Variants in AGAP1 observed in about 807,000 individuals in gnomAD.
The protein encoded by AGAP1 is ArfGAP with GTPase domain, ankyrin repeat and PH domain 1.
AGAP1 carries 29 observed loss-of-function variants against 105.3 expected under a neutral mutation model. The ratio of observed to expected loss-of-function variants is 0.28; its 90% CI spans 0.21 to 0.38. The LOEUF (loss-of-function observed/expected upper bound fraction) is 0.38. Ranked by LOEUF, AGAP1 falls within the 10% of genes least tolerant of loss-of-function variation. The pLI is 1.00. For synonymous variants in AGAP1, 509 were observed against 485.9 expected (o/e 1.05, Z -0.63); for missense variants, 998 against 1,165.1 (o/e 0.86, Z 2.09).
At chr2:235,807,809 G>A (rs1192934979) in intron 9 of AGAP1, among the ~76,000 whole-genome samples, 2 of 152,160 alleles carry the variant, frequency 1.3e-5, no homozygotes, top group African/African-American at 4.8e-5. Context: ...TGTCAGCTGT[G>A]CGCTCTTGTT....
chr2:236,049,074 G>T lies in AGAP1; in HGVS notation c.1907G>T (p.Ser636Ile), dbSNP rs774417563. Reference protein sequence around the residue: ...DCETQNPNWASLNLGALMCIE... With the variant: ...DCETQNPNWAILNLGALMCIE... ...CTTCCCGTAGATCCCAACTGGGCCA[G>T]TTTGAACTTGGGAGCCCTCATGTGC... Residue 636 changes from serine (S) to isoleucine (I), a missense_variant, in exon 16 of 18, where the codon AGT becomes ATT. Ser to Ile is a moderately radical substitution (Grantham distance 142, BLOSUM62 -2). Transcript: ENST00000304032. 6.2e-7 allele frequency: 1 copy of T among 1,614,080 alleles called. No individual in the cohort carries two copies. The highest frequency in any genetic ancestry group is 1.1e-5 in the South Asian group (1 of 91,080).
At chr2:235,680,672 G>T (rs1949016747) in intron 1 of AGAP1, among the ~76,000 whole-genome samples, 1 of 152,060 alleles carries the variant, frequency 6.6e-6, no homozygotes, top group Admixed American at 6.5e-5. Flanking sequence ...GTGTGCAGCT[G>T]GGGCTGTACC....
In AGAP1 at chr2:236,001,438, G is replaced by C. The variant is rs2056116330; in HGVS notation, c.1645+32815G>C. ...GGTGTGTGGCTACTAACGTGAGCCT[G>C]TTAACGTTGAAAATTTCCCTCTGGC... On this transcript the variant is annotated intron_variant, in intron 13 of 17. Transcript: ENST00000304032. The surrounding 1 kb of genome is among the most constrained non-coding windows in gnomAD (Gnocchi z 4.7). 6.6e-6 allele frequency among the ~76,000 whole-genome samples: 1 copy of C among 152,216 alleles called. No individual in the cohort carries two copies. Among genetic ancestry groups the C allele is most frequent in the Admixed American group, 6.5e-5 (1 of 15,288 alleles).
intron 6 of AGAP1, among the ~76,000 whole-genome samples, chr2:235,758,443 AG>A (rs1483492626): frequency 2.0e-5 from 3 of 152,116 alleles, no homozygotes; most frequent in Admixed American, 6.6e-5. Flanking sequence ...GTGTCAGGCG[AG>A]GCCATCATTT....
chr2:236,049,279 A>G lies in AGAP1; in HGVS notation c.2112A>G (p.Thr704=). 6.2e-7 allele frequency: 1 copy of G among 1,612,510 alleles called. No homozygotes were observed. Among genetic ancestry groups the G allele is most frequent in the Non-Finnish European group, 8.5e-7 (1 of 1,178,668 alleles). Reference sequence around the variant, plus strand: ...GGACGAAACCATCGGTAGACTCCACAAGGTAGGAACTTTGGAAGATGCCTG... The same window carrying G: ...GGACGAAACCATCGGTAGACTCCACGAGGTAGGAACTTTGGAAGATGCCTG... The part of the protein sequence containing the change: ...QGRTKPSVDS[T]REEKERWIRA... Residue 704 remains threonine (T), a splice_region_variant and synonymous_variant, in exon 16 of 18, where the codon ACA becomes ACG. Coordinates refer to ENST00000304032, the MANE Select transcript of AGAP1 (RefSeq NM_001037131.3).
Position 236,092,461 on chromosome 2 carries a change from C to T in AGAP1, c.2115-27731C>T, listed in dbSNP as rs1249065068. Among the ~76,000 whole-genome samples, 5 of 152,126 alleles carry T rather than the reference C, an allele frequency of 3.3e-5. No homozygotes were observed. The highest frequency in any genetic ancestry group is 4.8e-5 in the African/African-American group (2 of 41,424). On this transcript the variant is annotated intron_variant, in intron 16 of 17. Transcript: ENST00000304032. This position sits in a 1 kb window ranked among gnomAD's most constrained non-coding sequence, Gnocchi z 4.7. ...AGGCTGGAGTGTAGTGGTGCAGTCTCGTCTCACTGCAACCTCCGCCTCCCG... is the reference window on the plus strand; with the variant it reads ...AGGCTGGAGTGTAGTGGTGCAGTCTTGTCTCACTGCAACCTCCGCCTCCCG...
intron 6 of AGAP1, among the ~76,000 whole-genome samples, chr2:235,759,196 T>A (rs1191767132): frequency 1.5e-5 from 2 of 132,640 alleles, no homozygotes; most frequent in African/African-American, 2.9e-5. Context: ...TGAGATGGAG[T>A]CTCGCTCTGT....
Position 236,120,664 on chromosome 2 carries a change from A to C in AGAP1, c.2370+217A>C, listed in dbSNP as rs943762864. Among the ~76,000 whole-genome samples the C allele has an allele frequency of 6.6e-6, 1 of 152,180 alleles. No individual in the cohort carries two copies. The highest frequency in any genetic ancestry group is 2.4e-5 in the African/African-American group (1 of 41,444). ...CTTGCTAGAGTTTCTGAAAATTGCA[A>C]CTTTGTGATTGCCCCTTATCAAGCA... On this transcript the variant is annotated intron_variant, in intron 17 of 17. Coordinates refer to ENST00000304032, the MANE Select transcript of AGAP1 (RefSeq NM_001037131.3). The surrounding 1 kb of genome is among the most constrained non-coding windows in gnomAD (Gnocchi z 6.0).
At chr2:235,940,297 A>T (rs896977471) in intron 12 of AGAP1, among the ~76,000 whole-genome samples, 17 of 151,988 alleles carry the variant, frequency 1.1e-4, no homozygotes, top group Admixed American at 9.2e-4. Context: ...CTTACTTCCC[A>T]AAAGTCCTCT....
chr2:235,602,031 C>T (rs761235725), intron 1 of AGAP1, among the ~76,000 whole-genome samples: 3 of 152,206 alleles, frequency 2.0e-5, no homozygotes, highest in Non-Finnish European at 2.9e-5. Flanking sequence ...CTCCAAAATT[C>T]TCAGGATAAA....
chr2:235,500,357 G>C (rs1332540387), intron 1 of AGAP1, among the ~76,000 whole-genome samples: 1 of 152,056 alleles, frequency 6.6e-6, no homozygotes, highest in Non-Finnish European at 1.5e-5. Flanking sequence ...CATACCTCCC[G>C]AGTTTCTAGT....
chr2:235,606,872 C>T (rs77597714), intron 1 of AGAP1, among the ~76,000 whole-genome samples: 1,496 of 134,136 alleles, frequency 0.011, 23 homozygotes, highest in African/African-American at 0.039. Context: ...TCGCTTGAGG[C>T]GGAGGCTGCA....
At chr2:235,974,303 G>C (rs2054771194) in intron 13 of AGAP1, among the ~76,000 whole-genome samples, 2 of 152,190 alleles carry the variant, frequency 1.3e-5, no homozygotes, top group Non-Finnish European at 2.9e-5. Context: ...GGGGCACACT[G>C]AATAGCTTCC....
At position 235,601,433 on chromosome 2, in the gene AGAP1, G is replaced by A. The variant is rs575010458; in HGVS notation, c.163+106584G>A. Among the ~76,000 whole-genome samples the A allele has an allele frequency of 2.0e-5, 3 of 152,298 alleles. No homozygotes were observed. The highest frequency in any genetic ancestry group is 6.5e-5 in the Admixed American group (1 of 15,302). ...AATTTATAAAGGAAAGAAGTTTAAC[G>A]GACTCACAGTTCTACATGGCTGGGG... is the stretch of plus-strand genomic sequence containing the variant. On this transcript the variant is annotated intron_variant, in intron 1 of 17. Coordinates refer to ENST00000304032, the MANE Select transcript of AGAP1 (RefSeq NM_001037131.3). This position sits in a 1 kb window ranked among gnomAD's most constrained non-coding sequence, Gnocchi z 4.4.
rs1406561168 is a variant in AGAP1 at position 235,494,133 on chromosome 2, G to C, written c.-554G>C. Reference sequence around the variant, plus strand: ...GCGGCTTGCAAGGCGCCTGCGACTCGGTCCCAGGTCGGCGGGCGGCGCACG... The same window carrying C: ...GCGGCTTGCAAGGCGCCTGCGACTCCGTCCCAGGTCGGCGGGCGGCGCACG... On this transcript the variant is annotated 5_prime_UTR_variant, in exon 1 of 18. Transcript: ENST00000304032. 6.9e-6 allele frequency: 1 copy of C among 145,358 alleles called. No individual in the cohort carries two copies. Among genetic ancestry groups the C allele is most frequent in the African/African-American group, 2.5e-5 (1 of 40,430 alleles). The allele number at this position is 145,358 out of a possible 1,614,324, so 9.0% of individuals were successfully genotyped here.
rs1376640053 is a variant in AGAP1 at position 236,080,223 on chromosome 2, A to G, written c.2114+30942A>G. 6.6e-6 allele frequency among the ~76,000 whole-genome samples: 1 copy of G among 152,192 alleles called. No homozygotes were observed. Among genetic ancestry groups the G allele is most frequent in the Non-Finnish European group, 1.5e-5 (1 of 68,026 alleles). ...GTTTCCTGTGCATGTTCTTGGAAAGATAGTTGGGAAAAAAGGCAGGCAGAG... is the reference window on the plus strand; with the variant it reads ...GTTTCCTGTGCATGTTCTTGGAAAGGTAGTTGGGAAAAAAGGCAGGCAGAG... On this transcript the variant is annotated intron_variant, in intron 16 of 17. Coordinates refer to ENST00000304032, the MANE Select transcript of AGAP1 (RefSeq NM_001037131.3). The surrounding 1 kb of genome is among the most constrained non-coding windows in gnomAD (Gnocchi z 4.2).
rs115859381 is a variant in AGAP1, at chr2:235,526,380, A to G, written c.163+31531A>G. On this transcript the variant is annotated intron_variant, in intron 1 of 17. Coordinates refer to ENST00000304032, the MANE Select transcript of AGAP1 (RefSeq NM_001037131.3). Reference sequence around the variant, plus strand: ...CCTGTGGCCTTCCATGGGAGAGGGTATGGGAAGGGCTTTGGTGCACCACAG... The same window carrying G: ...CCTGTGGCCTTCCATGGGAGAGGGTGTGGGAAGGGCTTTGGTGCACCACAG... 4.5e-3 allele frequency among the ~76,000 whole-genome samples: 691 copies of G among 152,268 alleles called. 4 individuals are homozygous for G. Among genetic ancestry groups the G allele is most frequent in the African/African-American group, 0.015 (623 of 41,570 alleles).
At chr2:235,851,885 A>G (rs1374052064) in intron 9 of AGAP1, among the ~76,000 whole-genome samples, 1 of 152,194 alleles carries the variant, frequency 6.6e-6, no homozygotes, top group Non-Finnish European at 1.5e-5. Context: ...GACAAGCAGT[A>G]AGGAAACCTG....
rs13383264 is a variant in AGAP1, at chr2:236,073,247, G to A, written c.2114+23966G>A. Among the ~76,000 whole-genome samples the A allele has an allele frequency of 0.012, 1,785 of 152,122 alleles. 31 individuals are homozygous for A. The highest frequency in any genetic ancestry group is 0.041 in the African/African-American group (1,708 of 41,486). On this transcript the variant is annotated intron_variant, in intron 16 of 17. Transcript: ENST00000304032. The surrounding 1 kb of genome is among the most constrained non-coding windows in gnomAD (Gnocchi z 5.4). Reference sequence around the variant, plus strand: ...CCTGACCTCGTGAACCACCCGCCTCGGCCTCCCAAAGTGCTGGGATTACAG... The same window carrying A: ...CCTGACCTCGTGAACCACCCGCCTCAGCCTCCCAAAGTGCTGGGATTACAG...
Sources: gnomAD v4.1 joint callset for allele counts (sites outside exome capture counted in the v4.1 genomes callset) on GRCh38, gnomAD v4.1.1 for gene constraint, Gnocchi (gnomAD v3.1) non-coding constraint, MANE v1.5 for transcripts, NCBI Gene and HGNC (gene_info 2026-07-23, HGNC 2026-07-21) for gene names.